The following CD244 variants were observed in gnomAD, a reference collection of about 807,000 sequenced individuals.
CD244 encodes CD244 molecule.
CD244 carries 20 observed loss-of-function variants against 45.5 expected under a neutral mutation model. The observed-to-expected ratio is 0.44, with a 90% CI of 0.31 to 0.64. The LOEUF (loss-of-function observed/expected upper bound fraction) is 0.64, where lower values mean the gene tolerates loss of function less well. CD244 is among the 30% of genes least tolerant of loss of function. The pLI is 0.08. For missense variants in CD244, 407 were observed against 426.9 expected, an observed-to-expected ratio of 0.95 and a Z score of 0.41; for synonymous variants, 185 against 160.5, an observed-to-expected ratio of 1.15 and a Z score of -1.15.
At chr1:160,844,435 C>T (rs909490334) in intron 1 of CD244, among the ~76,000 whole-genome samples, 2 of 152,204 alleles carry the variant, frequency 1.3e-5, no homozygotes, top group African/African-American at 4.8e-5. Context: ...CTTTACAGCT[C>T]CTTCTGTTAT....
intron 3 of CD244, among the ~76,000 whole-genome samples, chr1:160,839,609 C>T (rs890436063): frequency 2.6e-5 from 4 of 152,140 alleles, no homozygotes; most frequent in Admixed American, 2.6e-4. Flanking sequence ...GGCATTATAA[C>T]TAATTTAGAG....
At chr1:160,832,666 G>T (rs1442627802) in intron 7 of CD244, 91 bp from the exon 8 acceptor site, 45 of 1,580,138 alleles carry the variant, frequency 2.8e-5, no homozygotes, top group Non-Finnish European at 3.9e-5. Flanking sequence ...GAGACTCAGG[G>T]CCCAGAAAAA....
At chr1:160,849,443 C>T (rs1571110651) in intron 1 of CD244, among the ~76,000 whole-genome samples, 5 of 151,952 alleles carry the variant, frequency 3.3e-5, no homozygotes, top group Admixed American at 2.6e-4. Flanking sequence ...CTAATGCCTC[C>T]CTCCCCTTGC....
Position 160,842,400 on chromosome 1 carries a change from G to A in CD244, c.62-499C>T, listed in dbSNP as rs145300950. On this transcript the variant is annotated intron_variant, in intron 1 of 8. Transcript: ENST00000368034. ...CTAGTAGCTGGGAGCACAGGTGCTAGGGAGCTTATTTGTTTACTCTTTGTA... is the reference window on the plus strand; with the variant it reads ...CTAGTAGCTGGGAGCACAGGTGCTAAGGAGCTTATTTGTTTACTCTTTGTA... Among the ~76,000 whole-genome samples, 467 of 152,178 alleles carry A rather than the reference G, an allele frequency of 3.1e-3. 4 individuals are homozygous for A. Among genetic ancestry groups the A allele is most frequent in the Middle Eastern group, 0.024 (7 of 294 alleles).
chr1:160,852,118 C>CA (rs1275721150), intron 1 of CD244, among the ~76,000 whole-genome samples: 1 of 151,902 alleles, frequency 6.6e-6, no homozygotes, highest in Non-Finnish European at 1.5e-5. Flanking sequence ...ACAATAATGA[C>CA]AAAAAAAGCA....
intron 1 of CD244, among the ~76,000 whole-genome samples, chr1:160,859,186 G>T (rs7412696): frequency 0.3 from 45,315 of 151,826 alleles, 8,124 homozygotes; most frequent in African/African-American, 0.5. Flanking sequence ...AGGCCATGTA[G>T]CCAGCAAAGG....
chr1:160,848,262 G>A (rs1439754124), intron 1 of CD244: 3 of 563,908 alleles, frequency 5.3e-6, no homozygotes, highest in Non-Finnish European at 1.0e-5. Flanking sequence ...AAATTTGATG[G>A]TGAGAACTTC....
Position 160,843,768 on chromosome 1 carries a change from C to A in CD244, c.62-1867G>T, listed in dbSNP as rs60533943. Among the ~76,000 whole-genome samples the A allele has an allele frequency of 1.5e-3, 231 of 152,248 alleles. 4 individuals carry two copies. The East Asian group carries it at 0.035, about 23-fold the overall frequency. On this transcript the variant is annotated intron_variant, in intron 1 of 8. Transcript: ENST00000368034. ...ATAAAGCAGTGAAAAATTATGGGGC[C>A]AATATCTGGAAGAAGGAAATTCAGA...
chr1:160,861,771 A>G (rs1053624800), intron 1 of CD244, among the ~76,000 whole-genome samples: 1 of 152,208 alleles, frequency 6.6e-6, no homozygotes, highest in African/African-American at 2.4e-5. Flanking sequence ...CGGGAGGCAG[A>G]GTTTGTAGTG....
chr1:160,836,946 T>C (rs1022666694), intron 5 of CD244, among the ~76,000 whole-genome samples: 2 of 152,210 alleles, frequency 1.3e-5, no homozygotes, highest in African/African-American at 4.8e-5. Context: ...CAGAGAACTG[T>C]CAGCTGTCCT....
At chr1:160,861,155 A>G (rs1670287830) in intron 1 of CD244, among the ~76,000 whole-genome samples, 1 of 151,958 alleles carries the variant, frequency 6.6e-6, no homozygotes, top group African/African-American at 2.4e-5. Context: ...AAGGATCCTT[A>G]GACCAGGTTC....
At chr1:160,845,014 C>T (rs893860426) in intron 1 of CD244, among the ~76,000 whole-genome samples, 10 of 152,102 alleles carry the variant, frequency 6.6e-5, no homozygotes, top group East Asian at 1.9e-4. Context: ...ATCAGCCACC[C>T]GTGGCCAGTC....
chr1:160,855,033 G>A (rs569205539), intron 1 of CD244, among the ~76,000 whole-genome samples: 188 of 152,282 alleles, frequency 1.2e-3, no homozygotes, highest in African/African-American at 4.4e-3. Flanking sequence ...TCAAGGACAG[G>A]GCAAGAACAC....
chr1:160,831,662 AG>A (rs1669131112), intron 8 of CD244, among the ~76,000 whole-genome samples: 2 of 152,246 alleles, frequency 1.3e-5, no homozygotes, highest in Non-Finnish European at 1.5e-5. Context: ...TGACCTCACA[AG>A]CTACCTGGGT....
At chr1:160,832,770 A>G (rs1669171627) in intron 7 of CD244, 195 bp from the exon 8 acceptor site, 1 of 1,161,516 alleles carries the variant, frequency 8.6e-7, no homozygotes. Flanking sequence ...CACAATATAT[A>G]CAGTATTTGC....
rs188063801 is a variant in CD244, at chr1:160,831,548, A to G, written c.1018-121T>C. The G allele has an allele frequency of 3.2e-4, 227 of 718,136 alleles. No individual in the cohort carries two copies. The East Asian group carries it at 5.5e-3, about 17-fold the overall frequency. 44.5% of individuals were successfully genotyped at this position (718,136 alleles called of 1,614,324 possible). ...AAAAAATGAAGCTCAGAGTGACAAA[A>G]CAAATTACTCAGGATCCACGACTAG... On this transcript the variant is annotated intron_variant, in intron 8 of 8. Coordinates refer to ENST00000368034, the MANE Select transcript of CD244 (RefSeq NM_016382.4).
At chr1:160,846,491 C>T (rs1669744959) in intron 1 of CD244, among the ~76,000 whole-genome samples, 1 of 152,110 alleles carries the variant, frequency 6.6e-6, no homozygotes, top group African/African-American at 2.4e-5. Context: ...ACATGGCAAA[C>T]CCCATCTCGA....
intron 1 of CD244, among the ~76,000 whole-genome samples, chr1:160,855,856 C>T (rs1444248914): frequency 2.0e-5 from 3 of 152,184 alleles, no homozygotes; most frequent in Non-Finnish European, 4.4e-5. Context: ...GAGACAAGTA[C>T]AGAGGATGGT....
intron 6 of CD244, among the ~76,000 whole-genome samples, chr1:160,834,373 G>T (rs1557830589): frequency 6.6e-6 from 1 of 152,088 alleles, no homozygotes; most frequent in Non-Finnish European, 1.5e-5. Flanking sequence ...ATTTGTTTTT[G>T]AGACAAGAGT....
Sources: gnomAD v4.1 joint callset for allele counts (sites outside exome capture counted in the v4.1 genomes callset) on GRCh38, gnomAD v4.1.1 for gene constraint, MANE v1.5 for transcripts, NCBI Gene and HGNC (gene_info 2026-07-23, HGNC 2026-07-21) for gene names.